NRXN3: variants seen among roughly 807,000 people sequenced by gnomAD.
NRXN3 encodes neurexin 3.
In NRXN3, 32 loss-of-function variants were observed where a neutral mutation model predicts 137.6. The ratio of observed to expected loss-of-function variants is 0.23; its 90% CI spans 0.18 to 0.31. The LOEUF (loss-of-function observed/expected upper bound fraction) is 0.31. Ranked by LOEUF, NRXN3 falls within the 10% of genes least tolerant of loss-of-function variation. The probability of loss-of-function intolerance (pLI) is 1.00; values close to 1 mark genes in which losing one functional copy is unlikely to be tolerated. For missense variants in NRXN3, 1,574 were observed against 2,062.5 expected, an observed-to-expected ratio of 0.76 and a Z score of 4.59; for synonymous variants, 798 against 784.5, an observed-to-expected ratio of 1.02 and a Z score of -0.29.
At chr14:78,274,142 C>T (rs2073219226) in intron 2 of NRXN3, among the ~76,000 whole-genome samples, 1 of 152,196 alleles carries the variant, frequency 6.6e-6, no homozygotes, top group Admixed American at 6.5e-5. Context: ...CTAGCTTCTG[C>T]AAGTGCAATA....
At chr14:79,166,746 A>G (rs2061322079) in intron 15 of NRXN3, among the ~76,000 whole-genome samples, 1 of 151,844 alleles carries the variant, frequency 6.6e-6, no homozygotes, top group Non-Finnish European at 1.5e-5. Context: ...CCTGTATTTT[A>G]TTCTTGCCTT....
intron 4 of NRXN3, among the ~76,000 whole-genome samples, chr14:78,530,801 A>T (rs563600925): frequency 2.2e-4 from 34 of 152,308 alleles, no homozygotes; most frequent in African/African-American, 8.2e-4. Flanking sequence ...TTGGCTGTAA[A>T]ATTCAAAAGC....
chr14:79,460,674 C>A (rs959556476), intron 15 of NRXN3, among the ~76,000 whole-genome samples: 1 of 152,118 alleles, frequency 6.6e-6, no homozygotes, highest in Non-Finnish European at 1.5e-5. Context: ...TGCTTTCATG[C>A]GATTTAGTTT....
intron 10 of NRXN3, among the ~76,000 whole-genome samples, chr14:78,828,315 CATT>C (rs1189801581): frequency 2.0e-5 from 3 of 152,196 alleles, no homozygotes; most frequent in African/African-American, 7.2e-5. Context: ...TCATCTCACA[CATT>C]AGAGTAATTG....
At chr14:79,754,531 T>TGCACAC (rs2099011592) in intron 19 of NRXN3, among the ~76,000 whole-genome samples, 1 of 86,688 alleles carries the variant, frequency 1.2e-5, no homozygotes, top group African/African-American at 7.4e-5. Context: ...TATATATATA[T>TGCACAC]ATATATATAT....
At chr14:79,549,424 A>T (rs1455620019) in intron 16 of NRXN3, among the ~76,000 whole-genome samples, 1 of 152,182 alleles carries the variant, frequency 6.6e-6, no homozygotes, top group East Asian at 1.9e-4. Context: ...TATGGACATA[A>T]TGAGATACCA....
intron 4 of NRXN3, among the ~76,000 whole-genome samples, chr14:78,569,800 T>A (rs1440193275): frequency 6.6e-6 from 1 of 152,012 alleles, no homozygotes; most frequent in Non-Finnish European, 1.5e-5. Flanking sequence ...TCTCAAGTGA[T>A]CTACCCGCCT....
At chr14:79,800,551 A>T (rs771497377) in intron 19 of NRXN3, among the ~76,000 whole-genome samples, 7 of 152,224 alleles carry the variant, frequency 4.6e-5, no homozygotes, top group Non-Finnish European at 8.8e-5. Flanking sequence ...ATACACAGAC[A>T]TGCAGCCTAA....
At chr14:78,383,714 G>T (rs1328127670) in intron 4 of NRXN3, among the ~76,000 whole-genome samples, 1 of 152,112 alleles carries the variant, frequency 6.6e-6, no homozygotes, top group Admixed American at 6.6e-5. Context: ...ACTCATTGGG[G>T]TGTAACTTTC....
chr14:79,849,904 T>C (rs10130749), intron 20 of NRXN3, among the ~76,000 whole-genome samples: 2,890 of 152,178 alleles, frequency 0.019, 95 homozygotes, highest in African/African-American at 0.067. Context: ...GGAACAAAGG[T>C]ATATGCAGGG....
At chr14:79,103,595 A>G (rs1353443068) in intron 15 of NRXN3, among the ~76,000 whole-genome samples, 2 of 152,100 alleles carry the variant, frequency 1.3e-5, no homozygotes, top group Admixed American at 6.6e-5. Flanking sequence ...ACATGGTAGG[A>G]CAGCCAGTGA....
At chr14:78,778,561 G>A (rs2098752128) in intron 8 of NRXN3, among the ~76,000 whole-genome samples, 1 of 151,732 alleles carries the variant, frequency 6.6e-6, no homozygotes, top group Non-Finnish European at 1.5e-5. Context: ...ATTTTTCCAG[G>A]GTTTTTGTTT....
At chr14:78,716,565 G>A (rs760031584) in intron 8 of NRXN3, among the ~76,000 whole-genome samples, 16 of 152,160 alleles carry the variant, frequency 1.1e-4, no homozygotes, top group Non-Finnish European at 2.2e-4. Context: ...AACGTTTTGA[G>A]GAGAGACCTG....
intron 8 of NRXN3, among the ~76,000 whole-genome samples, chr14:78,761,802 A>C (rs1292301071): frequency 6.6e-6 from 1 of 152,190 alleles, no homozygotes; most frequent in Non-Finnish European, 1.5e-5. Flanking sequence ...GTACGTAAAC[A>C]TATTAGAAAT....
intron 10 of NRXN3, among the ~76,000 whole-genome samples, chr14:78,824,983 G>A (rs116866379): frequency 1.6e-4 from 25 of 151,636 alleles, no homozygotes; most frequent in East Asian, 7.7e-4. Context: ...AGTAAAAATC[G>A]GATCCATCTT....
intron 19 of NRXN3, among the ~76,000 whole-genome samples, chr14:79,706,410 G>T (rs550229921): frequency 1.4e-5 from 2 of 147,018 alleles, no homozygotes; most frequent in African/African-American, 5.0e-5. Flanking sequence ...TTAACTTGAG[G>T]CTTTTTTACT....
intron 7 of NRXN3, among the ~76,000 whole-genome samples, chr14:78,712,839 A>G (rs1179718483): frequency 6.6e-6 from 1 of 152,214 alleles, no homozygotes; most frequent in Non-Finnish European, 1.5e-5. Context: ...CTGGGATTAC[A>G]GGCGTGAGCC....
chr14:78,598,995 G>A (rs1409941441), intron 4 of NRXN3, among the ~76,000 whole-genome samples: 1 of 152,196 alleles, frequency 6.6e-6, no homozygotes, highest in East Asian at 1.9e-4. Context: ...GTTCTTAGTA[G>A]GGTCTTCTTA....
intron 1 of NRXN3, among the ~76,000 whole-genome samples, chr14:78,195,565 G>A (rs1035639870): frequency 1.3e-5 from 2 of 152,188 alleles, no homozygotes; most frequent in African/African-American, 2.4e-5. Context: ...GAGAGGTGCG[G>A]GGACAGCCCA....
Sources: allele counts gnomAD v4.1 joint callset (sites outside exome capture counted in the v4.1 genomes callset), GRCh38; gene constraint gnomAD v4.1.1; transcripts MANE v1.5; gene names NCBI Gene and HGNC (gene_info 2026-07-23, HGNC 2026-07-21).